Variants in ULK4 observed in about 807,000 individuals in gnomAD.
The protein encoded by ULK4 is unc-51 like kinase 4, also known as inactive serine/threonine-protein kinase ULK4.
ULK4 carries 133 observed loss-of-function variants against 160.6 expected under a neutral mutation model. That is an observed-to-expected ratio of 0.83 (90% CI 0.72 to 0.96). The LOEUF (loss-of-function observed/expected upper bound fraction) is 0.96, where lower values mean the gene tolerates loss of function less well. Among genes scored for constraint, ULK4 ranks in the 40% least tolerant of loss-of-function variants. The probability of loss-of-function intolerance (pLI) is 0.00; values close to 1 mark genes in which losing one functional copy is unlikely to be tolerated. For synonymous variants in ULK4, 534 were observed against 539.8 expected (o/e 0.99, Z 0.15); for missense variants, 1,580 against 1,499.5 (o/e 1.05, Z -0.89).
chr3:41,713,694 T>C, intron 25 of ULK4, among the ~76,000 whole-genome samples: 1 of 152,126 alleles, frequency 6.6e-6, no homozygotes, highest in East Asian at 1.9e-4. Flanking sequence ...AAGGTGCCTA[T>C]ATTGAAAAGA....
intron 27 of ULK4, among the ~76,000 whole-genome samples, chr3:41,684,760 T>C (rs928527102): frequency 1.3e-5 from 2 of 152,190 alleles, no homozygotes; most frequent in African/African-American, 4.8e-5. Context: ...ACCTGAAAAA[T>C]TACCATCTGA....
At chr3:41,605,562 T>G (rs1047210529) in intron 31 of ULK4, among the ~76,000 whole-genome samples, 6 of 151,996 alleles carry the variant, frequency 3.9e-5, no homozygotes, top group Non-Finnish European at 7.4e-5. Context: ...CATAAAATCC[T>G]AAATTTAATT....
At chr3:41,591,164 C>A (rs1575458493) in intron 31 of ULK4, among the ~76,000 whole-genome samples, 1 of 152,042 alleles carries the variant, frequency 6.6e-6, no homozygotes. Context: ...AGTAACTGTG[C>A]AAGCCAGAAG....
chr3:41,562,570 G>T (rs924052721), intron 32 of ULK4, among the ~76,000 whole-genome samples: 2 of 152,174 alleles, frequency 1.3e-5, no homozygotes, highest in African/African-American at 4.8e-5. Context: ...ATATATTTAG[G>T]ATAGTTAGGT....
At chr3:41,953,253 TAC>T (rs1700350706) in intron 2 of ULK4, among the ~76,000 whole-genome samples, 90 of 134,958 alleles carry the variant, frequency 6.7e-4, no homozygotes, top group African/African-American at 1.9e-3. Context: ...TATATACACA[TAC>T]ATATATATAC....
At position 41,662,120 on chromosome 3, in the gene ULK4, T is replaced by C. The variant is rs776692153; in HGVS notation, c.3071+1487A>G. Among the ~76,000 whole-genome samples the C allele has an allele frequency of 5.8e-4, 89 of 152,324 alleles. 1 individual carries two copies. The highest frequency in any genetic ancestry group is 1.1e-3 in the Non-Finnish European group (76 of 68,030). ...ATCTGAATTTTTATGCAACTTCTAA[T>C]ACAGATTCACTCTTTAGAATTAAAT... On this transcript the variant is annotated intron_variant, in intron 30 of 36. Coordinates refer to ENST00000301831, the MANE Select transcript of ULK4 (RefSeq NM_017886.4).
At chr3:41,750,994 G>GAC (rs1488253893) in intron 22 of ULK4, among the ~76,000 whole-genome samples, 3 of 141,504 alleles carry the variant, frequency 2.1e-5, no homozygotes, top group African/African-American at 7.9e-5. Flanking sequence ...GAAAGAGAGA[G>GAC]AGAGAGGAAG....
intron 30 of ULK4, among the ~76,000 whole-genome samples, chr3:41,636,239 G>A (rs1036208562): frequency 6.6e-6 from 1 of 152,186 alleles, no homozygotes; most frequent in African/African-American, 2.4e-5. Context: ...AGCTCTCTCT[G>A]TAAACAGATA....
At chr3:41,921,951 C>A (rs981150499) in intron 5 of ULK4, among the ~76,000 whole-genome samples, 5 of 152,010 alleles carry the variant, frequency 3.3e-5, no homozygotes, top group Admixed American at 3.3e-4. Flanking sequence ...GTCAGGAGTT[C>A]GAGACCAGCC....
chr3:41,703,564 A>C lies in ULK4; in HGVS notation c.2781+1493T>G, dbSNP rs1201228335. Among the ~76,000 whole-genome samples the C allele has an allele frequency of 1.3e-5, 2 of 152,160 alleles. 1 individual carries two copies. Among genetic ancestry groups the C allele is most frequent in the Non-Finnish European group, 2.9e-5 (2 of 68,022 alleles). On this transcript the variant is annotated intron_variant, in intron 27 of 36. Transcript: ENST00000301831. Reference sequence around the variant, plus strand: ...AAATTAGAAAAGAAGAAATATGAAAAATTAACAAGCTAAATATTTACCCCA... The same window carrying C: ...AAATTAGAAAAGAAGAAATATGAAACATTAACAAGCTAAATATTTACCCCA...
At position 41,944,432 on chromosome 3, in the gene ULK4, C is replaced by T. The variant is rs528585829; in HGVS notation, c.139-6235G>A. Among the ~76,000 whole-genome samples, 10 of 152,128 alleles carry T rather than the reference C, an allele frequency of 6.6e-5. No homozygotes were observed. The South Asian group carries it at 1.0e-3, about 16-fold the overall frequency. ...TCCAGTCTGGGCTACAGAGTGAGAT[C>T]CTGTCTAAAAAAACGTAATTTCAGA... is the stretch of plus-strand genomic sequence containing the variant. On this transcript the variant is annotated intron_variant, in intron 2 of 36. Coordinates refer to ENST00000301831, the MANE Select transcript of ULK4 (RefSeq NM_017886.4).
rs547724009 is a variant in ULK4, at chr3:41,299,828, T to G, written c.3679-50254A>C. 2.0e-5 allele frequency among the ~76,000 whole-genome samples: 3 copies of G among 152,358 alleles called. No individual in the cohort carries two copies. In the South Asian group the frequency reaches 6.2e-4, roughly 32 times the overall value. On this transcript the variant is annotated intron_variant, in intron 35 of 36. Transcript: ENST00000301831. ...GCTACAAAATATTCCACTGAAGGAA[T>G]ACAGTATAGTTTACCTAATCATGCT... is the stretch of plus-strand genomic sequence containing the variant.
intron 32 of ULK4, among the ~76,000 whole-genome samples, chr3:41,471,109 C>T (rs2083979388): frequency 6.6e-6 from 1 of 152,010 alleles, no homozygotes. Flanking sequence ...AAGATACTCA[C>T]CTCACTTTTA....
chr3:41,619,061 A>G (rs1003192895), intron 30 of ULK4, among the ~76,000 whole-genome samples: 1 of 152,220 alleles, frequency 6.6e-6, no homozygotes, highest in Admixed American at 6.5e-5. Flanking sequence ...AAAGGGATCA[A>G]TGCAACAAGA....
At chr3:41,504,026 T>A (rs2085298003) in intron 32 of ULK4, among the ~76,000 whole-genome samples, 2 of 152,260 alleles carry the variant, frequency 1.3e-5, no homozygotes, top group East Asian at 3.9e-4. Context: ...AATCTCCCCA[T>A]AGAAAGAGAG....
At chr3:41,280,284 G>C (rs1559502126) in intron 35 of ULK4, among the ~76,000 whole-genome samples, 1 of 152,142 alleles carries the variant, frequency 6.6e-6, no homozygotes, top group Non-Finnish European at 1.5e-5. Flanking sequence ...TCCAGGACTT[G>C]AACTCAGCTC....
At chr3:41,821,389 T>C (rs1291899029) in intron 18 of ULK4, among the ~76,000 whole-genome samples, 1 of 152,162 alleles carries the variant, frequency 6.6e-6, no homozygotes, top group East Asian at 1.9e-4. Context: ...AAAGGCTATT[T>C]TAAAGCTATG....
chr3:41,818,735 T>C (rs1397867612), intron 19 of ULK4, among the ~76,000 whole-genome samples: 3 of 152,220 alleles, frequency 2.0e-5, no homozygotes. Context: ...TATATCTTTC[T>C]CATTCCTGAA....
intron 31 of ULK4, among the ~76,000 whole-genome samples, chr3:41,588,238 A>C (rs1428180674): frequency 6.6e-6 from 1 of 152,220 alleles, no homozygotes; most frequent in Non-Finnish European, 1.5e-5. Flanking sequence ...TCTGACTGAC[A>C]GTACATTTCA....
Sources: gnomAD v4.1 joint callset for allele counts (sites outside exome capture counted in the v4.1 genomes callset) on GRCh38, gnomAD v4.1.1 for gene constraint, MANE v1.5 for transcripts, NCBI Gene and HGNC (gene_info 2026-07-23, HGNC 2026-07-21) for gene names.